SLC9A4: variants seen among roughly 807,000 people sequenced by gnomAD.
SLC9A4 encodes the protein solute carrier family 9 member A4, also known as sodium/hydrogen exchanger 4.
Under a neutral mutation model 67.4 loss-of-function variants are expected in SLC9A4, and 63 were observed. The observed-to-expected ratio is 0.93, with a 90% CI of 0.76 to 1.15. The LOEUF is 1.15. Ranked by LOEUF, SLC9A4 falls within the 50% of genes most tolerant of loss-of-function variation. The probability of loss-of-function intolerance (pLI) is 0.00; values close to 1 mark genes in which losing one functional copy is unlikely to be tolerated. For missense variants in SLC9A4, 1,089 were observed against 987.7 expected (o/e 1.10, Z -1.38); for synonymous variants, 393 against 367.2 (o/e 1.07, Z -0.80).
At chr2:102,500,210 G>T (rs752935826) in intron 2 of SLC9A4, among the ~76,000 whole-genome samples, 5 of 152,186 alleles carry the variant, frequency 3.3e-5, no homozygotes, top group Non-Finnish European at 7.3e-5. Flanking sequence ...GAAGACGCAG[G>T]CAGGGACTGG....
chr2:102,517,692 C>T (rs1321075523), intron 8 of SLC9A4, among the ~76,000 whole-genome samples: 2 of 152,130 alleles, frequency 1.3e-5, no homozygotes, highest in Non-Finnish European at 2.9e-5. Flanking sequence ...ATCAAATTAT[C>T]ACATACACCC....
intron 6 of SLC9A4, among the ~76,000 whole-genome samples, chr2:102,510,923 A>G (rs981739801): frequency 6.6e-6 from 1 of 152,212 alleles, no homozygotes. Context: ...TAGAAATGAG[A>G]ACTAATGTCT....
At chr2:102,504,208 A>C (rs1685002679) in intron 3 of SLC9A4, among the ~76,000 whole-genome samples, 1 of 152,118 alleles carries the variant, frequency 6.6e-6, no homozygotes, top group Admixed American at 6.5e-5. Flanking sequence ...ACTGGCCACC[A>C]CGCCCGGCTA....
intron 2 of SLC9A4, among the ~76,000 whole-genome samples, chr2:102,488,658 C>G (rs1684637025): frequency 6.6e-6 from 1 of 151,618 alleles, no homozygotes; most frequent in African/African-American, 2.4e-5. Context: ...GCGACATTCT[C>G]CTGCCTCAGC....
chr2:102,493,719 G>A (rs774345777), intron 2 of SLC9A4, among the ~76,000 whole-genome samples: 1 of 151,756 alleles, frequency 6.6e-6, no homozygotes. Context: ...CCTACTCTTA[G>A]TTTCTATTTT....
intron 2 of SLC9A4, among the ~76,000 whole-genome samples, chr2:102,496,954 C>T (rs1684822757): frequency 6.6e-6 from 1 of 152,192 alleles, no homozygotes; most frequent in African/African-American, 2.4e-5. Context: ...GAGAGAGAGT[C>T]TCACTGTGTT....
chr2:102,529,750 C>A (rs575387144), intron 11 of SLC9A4, among the ~76,000 whole-genome samples: 1 of 152,268 alleles, frequency 6.6e-6, no homozygotes, highest in African/African-American at 2.4e-5. Flanking sequence ...GCTAACCCAC[C>A]TGAAACTTGG....
At chr2:102,506,325 G>C (rs1685049421) in intron 4 of SLC9A4, among the ~76,000 whole-genome samples, 1 of 152,120 alleles carries the variant, frequency 6.6e-6, no homozygotes, top group South Asian at 2.1e-4. Context: ...AAATGACTTT[G>C]ACCAATATTT....
chr2:102,479,119 C>T lies in SLC9A4; in HGVS notation c.537C>T (p.Leu179=). 6.2e-7 allele frequency: 1 copy of T among 1,614,186 alleles called. No individual in the cohort carries two copies. Among genetic ancestry groups the T allele is most frequent in the Non-Finnish European group, 8.5e-7 (1 of 1,180,002 alleles). The change falls in exon 2 of 12, where the codon CTC becomes CTT. Residue 179 remains leucine, a synonymous_variant. Coordinates refer to ENST00000295269, the MANE Select transcript of SLC9A4 (RefSeq NM_001011552.4). The part of the protein sequence containing the change: ...NALGIGLSLY[L]ICQVKAFGLG... ...TGGGCATTGGCCTCTCCCTCTACCT[C>T]ATCTGCCAGGTGAAGGCCTTTGGCC...
chr2:102,492,807 T>C (rs143065103), intron 2 of SLC9A4, among the ~76,000 whole-genome samples: 1 of 147,686 alleles, frequency 6.8e-6, no homozygotes, highest in Non-Finnish European at 1.5e-5. Context: ...ATGTTTTTTT[T>C]CTTTTTTAGC....
intron 11 of SLC9A4, 76 bp downstream of exon 11, chr2:102,526,422 G>C: frequency 1.4e-6 from 2 of 1,380,050 alleles, no homozygotes; most frequent in Non-Finnish European, 2.1e-6. Context: ...TGGGCCAAGA[G>C]GCAACATTAA....
intron 2 of SLC9A4, among the ~76,000 whole-genome samples, chr2:102,485,056 T>G (rs1392656032): frequency 1.3e-5 from 2 of 152,148 alleles, no homozygotes; most frequent in African/African-American, 2.4e-5. Context: ...GGCACCTTAA[T>G]GAGGTGGTGA....
Position 102,473,901 on chromosome 2 carries a change from G to A in SLC9A4, c.142G>A (p.Ala48Thr). ...GTATGCATCTAACGCTTGGTTTGCT[G>A]CTGCCAGCTCAGAGCCAGAGGAAGG... Reference protein sequence around the residue: ...AQYASNAWFAAASSEPEEGIS... With the variant: ...AQYASNAWFATASSEPEEGIS... Residue 48 changes from alanine to threonine, a missense_variant, in exon 1 of 12, where the codon GCT (alanine) becomes ACT (threonine). Physicochemically the swap from Ala to Thr is moderately conservative, Grantham distance 58. Transcript: ENST00000295269. 6.2e-7 allele frequency: 1 copy of A among 1,614,092 alleles called. No homozygotes were observed. The highest frequency in any genetic ancestry group is 1.1e-5 in the South Asian group (1 of 91,084).
At chr2:102,492,946 A>G (rs1269063851) in intron 2 of SLC9A4, among the ~76,000 whole-genome samples, 4 of 152,216 alleles carry the variant, frequency 2.6e-5, no homozygotes, top group Non-Finnish European at 1.5e-5. Context: ...ACAGATTTCT[A>G]AAGCAGGGGC....
At chr2:102,513,598 A>T (rs1172305194) in intron 7 of SLC9A4, among the ~76,000 whole-genome samples, 1 of 152,222 alleles carries the variant, frequency 6.6e-6, no homozygotes, top group African/African-American at 2.4e-5. Context: ...AGGATTCAAA[A>T]TGATCTGCAG....
At chr2:102,500,153 A>G (rs78203890) in intron 2 of SLC9A4, among the ~76,000 whole-genome samples, 1,878 of 152,208 alleles carry the variant, frequency 0.012, 39 homozygotes, top group African/African-American at 0.043. Context: ...TGATGTCCTT[A>G]TAAGAAGGTG....
chr2:102,479,179 C>T lies in SLC9A4; in HGVS notation c.597C>T (p.Phe199=). Residue 199 remains phenylalanine (F), a synonymous_variant, in exon 2 of 12, where the codon TTC becomes TTT. Transcript: ENST00000295269. ...GDVNLLQNLL[F]GSLISAVDPV... is the part of the protein sequence containing the mutation. The stretch of plus-strand genomic sequence containing the variant: ...TCAACCTGCTGCAGAACCTGCTGTT[C>T]GGCAGCCTGATCTCCGCCGTGGACC... 1.2e-6 allele frequency: 2 copies of T among 1,614,118 alleles called. No homozygotes were observed. The highest frequency in any genetic ancestry group is 1.7e-5 in the Admixed American group (1 of 60,018).
chr2:102,506,543 T>C lies in SLC9A4; in HGVS notation c.1198+1072T>C, dbSNP rs550292463. ...TAGAGGAAGCTGTGATACAAGTTTA[T>C]TATCTTAAATCATTATCACCGGCCT... is the stretch of plus-strand genomic sequence containing the variant. On this transcript the variant is annotated intron_variant, in intron 4 of 11. Coordinates refer to ENST00000295269, the MANE Select transcript of SLC9A4 (RefSeq NM_001011552.4). Among the ~76,000 whole-genome samples, 13 of 152,334 alleles carry C rather than the reference T, an allele frequency of 8.5e-5. No homozygotes were observed. In the South Asian group the frequency reaches 1.2e-3, roughly 15 times the overall value.
At chr2:102,502,289 G>C (rs1684957811) in intron 2 of SLC9A4, among the ~76,000 whole-genome samples, 1 of 152,072 alleles carries the variant, frequency 6.6e-6, no homozygotes, top group Non-Finnish European at 1.5e-5. Flanking sequence ...GATCCCTGCA[G>C]CTTCAAAATA....
Sources: gnomAD v4.1 joint callset for allele counts (sites outside exome capture counted in the v4.1 genomes callset) on GRCh38, gnomAD v4.1.1 for gene constraint, MANE v1.5 for transcripts, NCBI Gene and HGNC (gene_info 2026-07-23, HGNC 2026-07-21) for gene names.